The following ZSCAN5A variants were observed in gnomAD, a reference collection of about 807,000 sequenced individuals.
ZSCAN5A encodes the protein zinc finger and SCAN domain-containing protein 5A.
Under a neutral mutation model 23.7 loss-of-function variants are expected in ZSCAN5A, and 12 were observed. The ratio of observed to expected loss-of-function variants is 0.51; its 90% CI spans 0.32 to 0.82. ZSCAN5A has a LOEUF of 0.82. ZSCAN5A is among the 40% of genes least tolerant of loss of function. ZSCAN5A has a pLI of 0.03. For missense variants in ZSCAN5A, 597 were observed against 617.9 expected (o/e 0.97, Z 0.36); for synonymous variants, 257 against 239.9 (o/e 1.07, Z -0.66).
At chr19:56,253,435 T>C (rs1442964062) in intron 2 of ZSCAN5A, among the ~76,000 whole-genome samples, 1 of 152,268 alleles carries the variant, frequency 6.6e-6, no homozygotes, top group East Asian at 1.9e-4. Context: ...AGTAGTGGCT[T>C]GTCCGCAGGA....
chr19:56,312,802 A>G (rs749156033), intron 2 of ZSCAN5A, among the ~76,000 whole-genome samples: 1 of 152,212 alleles, frequency 6.6e-6, no homozygotes, highest in Non-Finnish European at 1.5e-5. Context: ...AGCTGCACTT[A>G]TCTTACGTGT....
At chr19:56,337,516 A>C (rs1405497071) in intron 2 of ZSCAN5A, among the ~76,000 whole-genome samples, 2 of 151,954 alleles carry the variant, frequency 1.3e-5, no homozygotes, top group Non-Finnish European at 2.9e-5. Flanking sequence ...GAATTCCCTG[A>C]CCCCTTGTGC....
Position 56,336,342 on chromosome 19 carries a change from C to T in ZSCAN5A, c.-357-20074G>A, listed in dbSNP as rs144977939. Among the ~76,000 whole-genome samples the T allele has an allele frequency of 2.6e-3, 395 of 152,206 alleles. 1 individual carries two copies. Among genetic ancestry groups the T allele is most frequent in the African/African-American group, 9.2e-3 (383 of 41,514 alleles). On this transcript the variant is annotated intron_variant, in intron 2 of 6. Coordinates refer to the ZSCAN5A transcript ENST00000587340. ...GCTTCATTTCATTAATTTCATCTTC[C>T]ATTGCTGATACTCTTTCTTCCAGTT...
intron 2 of ZSCAN5A, chr19:56,302,080 C>T (rs2040272840): frequency 2.4e-6 from 3 of 1,231,576 alleles, no homozygotes; most frequent in Middle Eastern, 3.1e-4. Context: ...TCGTATCCTA[C>T]AACAAAGGGG....
chr19:56,260,277 C>T (rs1367175519), intron 2 of ZSCAN5A, among the ~76,000 whole-genome samples: 2 of 142,836 alleles, frequency 1.4e-5, no homozygotes, highest in South Asian at 2.2e-4. Context: ...TGCAATGGTG[C>T]GATCTCGGCT....
At chr19:56,348,606 T>C (rs1431502628) in intron 2 of ZSCAN5A, among the ~76,000 whole-genome samples, 1 of 152,186 alleles carries the variant, frequency 6.6e-6, no homozygotes, top group African/African-American at 2.4e-5. Context: ...GAAAGGCAGC[T>C]AACATTTACA....
intron 2 of ZSCAN5A, among the ~76,000 whole-genome samples, chr19:56,287,867 G>C (rs144911156): frequency 4.1e-4 from 63 of 152,268 alleles, no homozygotes; most frequent in African/African-American, 1.4e-3. Context: ...ATCCTTATAA[G>C]CCCTCTAAGA....
chr19:56,264,966 A>G (rs945833399), intron 2 of ZSCAN5A, among the ~76,000 whole-genome samples: 3 of 152,028 alleles, frequency 2.0e-5, no homozygotes, highest in Admixed American at 1.3e-4. Flanking sequence ...TACTACAAAT[A>G]CAAAAATTAG....
intron 2 of ZSCAN5A, among the ~76,000 whole-genome samples, chr19:56,255,451 A>G (rs1448402461): frequency 4.6e-5 from 7 of 152,082 alleles, no homozygotes; most frequent in Non-Finnish European, 7.4e-5. Flanking sequence ...CAGAAAAACA[A>G]AAAACCCAAC....
intron 2 of ZSCAN5A, among the ~76,000 whole-genome samples, chr19:56,257,874 C>A (rs544710723): frequency 3.0e-5 from 4 of 133,992 alleles, no homozygotes; most frequent in Admixed American, 1.5e-4. Flanking sequence ...TCACACCTGG[C>A]TCCTGCCTCC....
intron 2 of ZSCAN5A, chr19:56,246,460 G>T (rs779095012): frequency 3.5e-6 from 2 of 578,164 alleles, no homozygotes; most frequent in African/African-American, 3.8e-5. Context: ...GCTTCCAAAC[G>T]GTCCTAGTGA....
intron 2 of ZSCAN5A, among the ~76,000 whole-genome samples, chr19:56,357,775 T>C (rs765222366): frequency 2.7e-5 from 4 of 147,658 alleles, no homozygotes; most frequent in East Asian, 1.9e-4. Flanking sequence ...ATTAACCTTA[T>C]GTGTGAATGG....
At chr19:56,246,248 G>T in intron 2 of ZSCAN5A, 1 of 224,348 alleles carries the variant, frequency 4.5e-6, no homozygotes, top group South Asian at 1.1e-4. Flanking sequence ...CAGTCAGGAA[G>T]GGACAGTGAT....
intron 2 of ZSCAN5A, among the ~76,000 whole-genome samples, chr19:56,337,360 G>A (rs1029052777): frequency 1.3e-5 from 2 of 152,240 alleles, no homozygotes; most frequent in Non-Finnish European, 1.5e-5. Context: ...GCGAGGCTCT[G>A]TGGGTGTAGG....
At chr19:56,245,035 T>C (rs2035758061) in intron 2 of ZSCAN5A, among the ~76,000 whole-genome samples, 1 of 152,230 alleles carries the variant, frequency 6.6e-6, no homozygotes, top group Non-Finnish European at 1.5e-5. Flanking sequence ...AAAGGACTCA[T>C]ATTTATGTAC....
At chr19:56,238,682 T>C (rs1452814663) in intron 2 of ZSCAN5A, among the ~76,000 whole-genome samples, 1 of 151,976 alleles carries the variant, frequency 6.6e-6, no homozygotes, top group Non-Finnish European at 1.5e-5. Flanking sequence ...AGGAGATCTC[T>C]ACAAGAAAAA....
chr19:56,288,663 G>T (rs2039304279), intron 2 of ZSCAN5A, among the ~76,000 whole-genome samples: 1 of 152,180 alleles, frequency 6.6e-6, no homozygotes, highest in Non-Finnish European at 1.5e-5. Flanking sequence ...ACATTTGTTA[G>T]AAGGCGTGAC....
intron 2 of ZSCAN5A, chr19:56,320,835 C>T: frequency 1.3e-6 from 1 of 778,734 alleles, no homozygotes. Context: ...AGATGCTGTG[C>T]CCCCTCGCTT....
chr19:56,287,381 A>G (rs933482641), intron 2 of ZSCAN5A, among the ~76,000 whole-genome samples: 1 of 151,904 alleles, frequency 6.6e-6, no homozygotes, highest in Non-Finnish European at 1.5e-5. Flanking sequence ...AACTCTGCTC[A>G]CCTCTCCTTT....
Sources: allele counts gnomAD v4.1 joint callset (sites outside exome capture counted in the v4.1 genomes callset), GRCh38; gene constraint gnomAD v4.1.1; transcripts MANE v1.5; gene names NCBI Gene and HGNC (gene_info 2026-07-23, HGNC 2026-07-21).